SPECC1: variants seen among roughly 807,000 people sequenced by gnomAD.
The protein encoded by SPECC1 is cytospin-B.
In SPECC1, 62 loss-of-function variants were observed where a neutral mutation model predicts 104.1. The observed-to-expected ratio is 0.60, with a 90% CI of 0.49 to 0.74. The LOEUF is 0.74. SPECC1 is among the 30% of genes least tolerant of loss of function. The probability of loss-of-function intolerance (pLI) is 0.00; values close to 1 mark genes in which losing one functional copy is unlikely to be tolerated. For missense variants in SPECC1, 1,306 were observed against 1,310.5 expected (o/e 1.00, Z 0.05); for synonymous variants, 513 against 501.6 (o/e 1.02, Z -0.30).
At chr17:20,293,978 A>C (rs2041255758) in intron 12 of SPECC1, among the ~76,000 whole-genome samples, 1 of 151,998 alleles carries the variant, frequency 6.6e-6, no homozygotes, top group African/African-American at 2.4e-5. Context: ...AGGGACTTAG[A>C]ATTGAATTTT....
intron 3 of SPECC1, among the ~76,000 whole-genome samples, chr17:20,125,522 C>T (rs989663555): frequency 6.6e-6 from 1 of 152,226 alleles, no homozygotes; most frequent in African/African-American, 2.4e-5. Flanking sequence ...ACCCACTGAA[C>T]GACTCCCTGT....
rs1235512303 is a variant in SPECC1 at position 20,163,184 on chromosome 17, A to G, written c.284-41149A>G. ...CCCTAATTAAGACAGAAAATCAAAT[A>G]TATATACTGCAGAAAAGCTTGTTTA... On this transcript the variant is annotated intron_variant, in intron 3 of 14. Coordinates refer to ENST00000395527, the MANE Select transcript of SPECC1 (RefSeq NM_001243439.2). Among the ~76,000 whole-genome samples, 3 of 152,266 alleles carry G rather than the reference A, an allele frequency of 2.0e-5. No homozygotes were observed. The East Asian group carries it at 5.8e-4, about 29-fold the overall frequency.
Position 20,263,748 on chromosome 17 carries a change from G to A in SPECC1, c.2940+3454G>A, listed in dbSNP as rs566425166. On this transcript the variant is annotated intron_variant, in intron 12 of 14. Coordinates refer to ENST00000395527, the MANE Select transcript of SPECC1 (RefSeq NM_001243439.2). ...GTAATGGACCAAGGCAGCTGCCAGA[G>A]TGCATATGAAAAGACAATTCACGTT... is the stretch of plus-strand genomic sequence containing the variant. 2.0e-5 allele frequency among the ~76,000 whole-genome samples: 3 copies of A among 152,294 alleles called. No individual in the cohort carries two copies. The South Asian group carries it at 6.2e-4, about 32-fold the overall frequency.
At position 20,317,258 on chromosome 17, in the gene SPECC1, A is replaced by ATTTTTTTTTTTTTTTTTTTTTTTT. The variant is rs1173603591; in HGVS notation, c.*3193_*3194insTTTTTTTTTTTTTTTTTTTTTTTT. The ATTTTTTTTTTTTTTTTTTTTTTTT allele has an allele frequency of 5.4e-5, 2 of 37,370 alleles. No homozygotes were observed. Among genetic ancestry groups the ATTTTTTTTTTTTTTTTTTTTTTTT allele is most frequent in the East Asian group, 3.7e-3 (2 of 540 alleles). 2.3% of individuals were successfully genotyped at this position (37,370 alleles called of 1,614,324 possible). A position where few individuals can be genotyped will look rare whatever the true frequency, so the allele number is the denominator to read the frequency against. ...GGCAAGACCTCTGACTCTATAAAAAAATTTTTTTTTTTTTTTTTTTTTGAG... is the reference window on the plus strand; with the variant it reads ...GGCAAGACCTCTGACTCTATAAAAAATTTTTTTTTTTTTTTTTTTTTTTTATTTTTTTTTTTTTTTTTTTTTGAG... On this transcript the variant is annotated 3_prime_UTR_variant, in exon 15 of 15. Transcript: ENST00000395527.
intron 11 of SPECC1, among the ~76,000 whole-genome samples, chr17:20,259,893 A>G (rs577912277): frequency 6.6e-6 from 1 of 152,302 alleles, no homozygotes; most frequent in South Asian, 2.1e-4. Context: ...CTTTAATTCA[A>G]ATGATACTGT....
At chr17:20,265,236 A>G (rs1004187869) in intron 12 of SPECC1, among the ~76,000 whole-genome samples, 2 of 152,162 alleles carry the variant, frequency 1.3e-5, no homozygotes, top group African/African-American at 2.4e-5. Flanking sequence ...AGCAGTGTAT[A>G]AGCATTTCTT....
intron 14 of SPECC1, among the ~76,000 whole-genome samples, chr17:20,312,799 C>T (rs1158187970): frequency 6.6e-6 from 1 of 152,194 alleles, no homozygotes; most frequent in East Asian, 1.9e-4. Context: ...ACTCCTTTCC[C>T]ATGACTAATG....
chr17:20,067,147 A>T (rs890114537), intron 1 of SPECC1: 2 of 152,074 alleles, frequency 1.3e-5, no homozygotes, highest in Non-Finnish European at 2.9e-5. Context: ...ATTTCCTATC[A>T]TTCCACCACC....
At chr17:20,045,779 C>G (rs139528313) in intron 1 of SPECC1, among the ~76,000 whole-genome samples, 52 of 152,220 alleles carry the variant, frequency 3.4e-4, no homozygotes, top group African/African-American at 1.1e-3. Context: ...GCAGTTTTTC[C>G]TGCTTTATCT....
At chr17:20,038,643 A>G (rs1256753464) in intron 1 of SPECC1, among the ~76,000 whole-genome samples, 1 of 152,130 alleles carries the variant, frequency 6.6e-6, no homozygotes, top group Non-Finnish European at 1.5e-5. Flanking sequence ...CTTGTGATCC[A>G]CCAGCCTCGG....
At chr17:20,273,864 A>G (rs1018716484) in intron 12 of SPECC1, among the ~76,000 whole-genome samples, 1 of 151,918 alleles carries the variant, frequency 6.6e-6, no homozygotes, top group African/African-American at 2.4e-5. Flanking sequence ...GCTTTCTTTC[A>G]TGTTCCCTTT....
At chr17:20,094,205 G>C (rs879932439) in intron 1 of SPECC1, among the ~76,000 whole-genome samples, 1 of 152,006 alleles carries the variant, frequency 6.6e-6, no homozygotes, top group African/African-American at 2.4e-5. Context: ...CATTTTCTGG[G>C]TGCAGTCATG....
chr17:20,194,502 A>ATTATTATTATT, intron 3 of SPECC1, among the ~76,000 whole-genome samples: 14 of 86,536 alleles, frequency 1.6e-4, no homozygotes, highest in African/African-American at 4.8e-4. Flanking sequence ...AAGAGAACGA[A>ATTATTATTATT]TTTTTTTTTT....
intron 2 of SPECC1, among the ~76,000 whole-genome samples, chr17:20,100,812 C>T (rs2047911044): frequency 6.6e-6 from 1 of 152,138 alleles, no homozygotes; most frequent in Non-Finnish European, 1.5e-5. Flanking sequence ...TTCTCCCTCC[C>T]CTTGCCCCCT....
chr17:20,203,239 CA>C (rs1310978923), intron 3 of SPECC1, among the ~76,000 whole-genome samples: 1 of 146,204 alleles, frequency 6.8e-6, no homozygotes, highest in African/African-American at 2.5e-5. Context: ...GTGTAAGTGA[CA>C]GCAGCCAGCC....
chr17:20,244,451 T>A (rs914993865), intron 7 of SPECC1, among the ~76,000 whole-genome samples: 1 of 152,244 alleles, frequency 6.6e-6, no homozygotes, highest in African/African-American at 2.4e-5. Flanking sequence ...ATTTCTGAAG[T>A]GCCTGATAAT....
At chr17:20,102,705 A>G (rs1232826095) in intron 2 of SPECC1, among the ~76,000 whole-genome samples, 3 of 152,118 alleles carry the variant, frequency 2.0e-5, no homozygotes, top group Non-Finnish European at 2.9e-5. Flanking sequence ...GAGGTTGATG[A>G]CTTGCTTGAT....
rs182446619 is a variant in SPECC1, at chr17:20,271,186, G to C, written c.2940+10892G>C. Among the ~76,000 whole-genome samples, 173 of 152,158 alleles carry C rather than the reference G, an allele frequency of 1.1e-3. 1 individual carries two copies. Among genetic ancestry groups the C allele is most frequent in the African/African-American group, 3.7e-3 (152 of 41,522 alleles). On this transcript the variant is annotated intron_variant, in intron 12 of 14. Coordinates refer to ENST00000395527, the MANE Select transcript of SPECC1 (RefSeq NM_001243439.2). ...TGAGAGCTCTGCTTCCTGCTCCCCA[G>C]AGTCAAGCATTTTCAAGTCACCTTG... is the stretch of plus-strand genomic sequence containing the variant.
intron 3 of SPECC1, among the ~76,000 whole-genome samples, chr17:20,178,689 G>A (rs569342033): frequency 7.2e-5 from 11 of 152,286 alleles, no homozygotes; most frequent in East Asian, 1.9e-4. Context: ...GATATTGTGA[G>A]GTGAAAAATG....
Sources: gnomAD v4.1 joint callset for allele counts (sites outside exome capture counted in the v4.1 genomes callset) on GRCh38, gnomAD v4.1.1 for gene constraint, MANE v1.5 for transcripts, NCBI Gene and HGNC (gene_info 2026-07-23, HGNC 2026-07-21) for gene names.